Variants in COG7 observed in about 807,000 individuals in gnomAD.
The protein encoded by COG7 is conserved oligomeric Golgi complex subunit 7.
A neutral mutation model predicts 91.5 loss-of-function variants in COG7; 49 were observed. That is an observed-to-expected ratio of 0.54 (90% CI 0.43 to 0.68). The LOEUF (loss-of-function observed/expected upper bound fraction) is 0.68. Among genes scored for constraint, COG7 ranks in the 30% least tolerant of loss-of-function variants. The probability of loss-of-function intolerance (pLI) is 0.00; values close to 1 mark genes in which losing one functional copy is unlikely to be tolerated. For synonymous variants in COG7, 365 were observed against 388.7 expected (o/e 0.94, Z 0.72); for missense variants, 895 against 961.3 (o/e 0.93, Z 0.91).
chr16:23,389,109 G>A (rs769932461), intron 16 of COG7, 23 bp from the exon 17 acceptor site: 1 of 1,612,134 alleles, frequency 6.2e-7, no homozygotes, highest in South Asian at 1.1e-5. Context: ...AGAGGAGACA[G>A]ACAGAGCTCC....
intron 13 of COG7, 132 bp downstream of exon 13, chr16:23,403,562 C>T: frequency 8.6e-7 from 1 of 1,156,786 alleles, no homozygotes; most frequent in East Asian, 2.4e-5. Context: ...GAAAGTGGCT[C>T]TTTCCGGCTT....
rs567307217 is a variant in COG7, at chr16:23,409,088, T to TGTGTGTGTGTGTGTGCGCGC, written c.1475+1206_1475+1207insGCGCGCACACACACACACAC. 4.2e-3 allele frequency among the ~76,000 whole-genome samples: 628 copies of TGTGTGTGTGTGTGTGCGCGC among 147,888 alleles called. 3 individuals are homozygous for TGTGTGTGTGTGTGTGCGCGC. The highest frequency in any genetic ancestry group is 0.016 in the East Asian group (79 of 4,918). On this transcript the variant is annotated intron_variant, in intron 11 of 16. Coordinates refer to ENST00000307149, the MANE Select transcript of COG7 (RefSeq NM_153603.4). Reference sequence around the variant, plus strand: ...GCGTGTGTGTGTGTGTGTGTGTGTGTGCGTGCATGTGTGTGTGTGTGTGTG... The same window carrying TGTGTGTGTGTGTGTGCGCGC: ...GCGTGTGTGTGTGTGTGTGTGTGTGTGTGTGTGTGTGTGTGCGCGCGCGTGCATGTGTGTGTGTGTGTGTG...
chr16:23,423,053 A>AAAG (rs1963785794), intron 7 of COG7, among the ~76,000 whole-genome samples: 2 of 148,632 alleles, frequency 1.3e-5, no homozygotes, highest in Admixed American at 1.4e-4. Flanking sequence ...TCAAAAAAAA[A>AAAG]AAAAAAAAAA....
chr16:23,413,669 A>G, intron 9 of COG7, 105 bp from the exon 10 acceptor site: 1 of 774,394 alleles, frequency 1.3e-6, no homozygotes. Flanking sequence ...TGGCCTTGAG[A>G]GCATCTTTAG....
At chr16:23,433,745 C>A (rs1451636282) in intron 5 of COG7, 78 bp from the exon 6 acceptor site, 5 of 1,574,618 alleles carry the variant, frequency 3.2e-6, no homozygotes, top group Admixed American at 1.7e-5. Context: ...GCCCTGCTAC[C>A]CAGCGTAATC....
chr16:23,400,987 G>T lies in COG7; in HGVS notation c.1803+2707C>A, dbSNP rs563634861. Among the ~76,000 whole-genome samples, 120 of 150,290 alleles carry T rather than the reference G, an allele frequency of 8.0e-4. 1 individual carries two copies. The South Asian group carries it at 0.016, about 20-fold the overall frequency. On this transcript the variant is annotated intron_variant, in intron 13 of 16. Coordinates refer to ENST00000307149, the MANE Select transcript of COG7 (RefSeq NM_153603.4). ...TTTGTCTCAAAAAAAAAAGGGGGGG[G>T]GGAAAACAGCAGAGAATGTCACTTG...
At chr16:23,445,984 A>AAAC (rs764090829) in intron 1 of COG7, 23 bp from the exon 2 acceptor site, 6 of 1,597,112 alleles carry the variant, frequency 3.8e-6, no homozygotes, top group African/African-American at 1.4e-5. Context: ...AAAAAAAAAA[A>AAAC]AACAACAACA....
intron 11 of COG7, among the ~76,000 whole-genome samples, chr16:23,409,331 G>C (rs1963525909): frequency 6.6e-6 from 1 of 152,166 alleles, no homozygotes; most frequent in Non-Finnish European, 1.5e-5. Context: ...TTTACGGGCT[G>C]AGTAAAGCAA....
intron 13 of COG7, among the ~76,000 whole-genome samples, chr16:23,399,097 G>A (rs1457401400): frequency 6.6e-6 from 1 of 152,160 alleles, no homozygotes; most frequent in Non-Finnish European, 1.5e-5. Flanking sequence ...GCCACCTGAT[G>A]TTGGATCCGG....
intron 7 of COG7, among the ~76,000 whole-genome samples, chr16:23,424,140 A>G (rs1315423704): frequency 1.3e-5 from 2 of 152,122 alleles, no homozygotes; most frequent in Admixed American, 6.5e-5. Flanking sequence ...TCTACTAAAA[A>G]TACAAAATTA....
chr16:23,405,482 C>T (rs1287042975), intron 12 of COG7, among the ~76,000 whole-genome samples: 1 of 151,818 alleles, frequency 6.6e-6, no homozygotes, highest in Admixed American at 6.6e-5. Flanking sequence ...GCAAGTCCCC[C>T]TAGCCGCAGA....
intron 7 of COG7, 85 bp downstream of exon 7, chr16:23,424,664 G>T: frequency 7.0e-7 from 1 of 1,424,184 alleles, no homozygotes; most frequent in Non-Finnish European, 9.9e-7. Context: ...TCAGTCATCT[G>T]AAAAGGCAAA....
Position 23,434,821 on chromosome 16 carries a change from C to A in COG7, c.605-103G>T. 5 of 767,126 alleles carry A rather than the reference C, an allele frequency of 6.5e-6. No individual in the cohort carries two copies. The Admixed American group carries it at 7.8e-5, about 12-fold the overall frequency. The allele number at this position is 767,126 out of a possible 1,614,324, so 47.5% of individuals were successfully genotyped here. On this transcript the variant is annotated intron_variant, in intron 4 of 16. Coordinates refer to ENST00000307149, the MANE Select transcript of COG7 (RefSeq NM_153603.4). The stretch of plus-strand genomic sequence containing the variant: ...GTGGATATATGGAAGCTAGTATTCA[C>A]AAGTTCCTGCCTAGATACTGAATTA...
In COG7 at chr16:23,452,786, G is replaced by A. The variant is rs908959572; in HGVS notation, c.169+40C>T. 5 of 1,586,710 alleles carry A rather than the reference G, an allele frequency of 3.2e-6. No individual in the cohort carries two copies. The Admixed American group carries it at 5.4e-5, about 17-fold the overall frequency. On this transcript the variant is annotated intron_variant, in intron 1 of 16. Coordinates refer to ENST00000307149, the MANE Select transcript of COG7 (RefSeq NM_153603.4). ...TTCGGTGACCTCTGCCCAGCCGAGA[G>A]CAGGGGAGGGTCCCGCGGCCAGGGC...
intron 13 of COG7, among the ~76,000 whole-genome samples, chr16:23,400,637 A>C (rs1012348366): frequency 6.6e-6 from 1 of 152,194 alleles, no homozygotes; most frequent in South Asian, 2.1e-4. Flanking sequence ...GTTTGGAAGA[A>C]GCGCAAGACA....
chr16:23,435,249 C>T (rs1036160765), intron 4 of COG7, among the ~76,000 whole-genome samples: 1 of 152,078 alleles, frequency 6.6e-6, no homozygotes, highest in African/African-American at 2.4e-5. Context: ...CACCTGTAAT[C>T]CCAGCTCCTT....
At chr16:23,417,302 A>G (rs1963673018) in intron 8 of COG7, 181 bp from the exon 9 acceptor site, 1 of 658,066 alleles carries the variant, frequency 1.5e-6, no homozygotes, top group Non-Finnish European at 2.7e-6. Flanking sequence ...CTAAGTCATC[A>G]GTGGGATCAT....
Position 23,406,136 on chromosome 16 carries a change from G to A in COG7, c.1602C>T (p.Tyr534=). The A allele has an allele frequency of 1.9e-6, 3 of 1,614,096 alleles. No homozygotes were observed. Among genetic ancestry groups the A allele is most frequent in the Non-Finnish European group, 2.5e-6 (3 of 1,180,004 alleles). Residue 534 remains tyrosine, a synonymous_variant, in exon 12 of 17, where the codon TAC becomes TAT. Transcript: ENST00000307149. The stretch of plus-strand genomic sequence containing the variant: ...ATTCAGCAGGGTTATCTTTCTGGAG[G>A]TAATTATATTCTTGCCATGGGTTCT... ...SAKNPWQEYN[Y]LQKDNPAEYA...
At chr16:23,440,145 T>A (rs1964077862) in intron 4 of COG7, among the ~76,000 whole-genome samples, 1 of 151,572 alleles carries the variant, frequency 6.6e-6, no homozygotes, top group Non-Finnish European at 1.5e-5. Flanking sequence ...TACCTGCACT[T>A]TGGGAGGCCA....
Sources: gnomAD v4.1 joint callset for allele counts (sites outside exome capture counted in the v4.1 genomes callset) on GRCh38, gnomAD v4.1.1 for gene constraint, MANE v1.5 for transcripts, NCBI Gene and HGNC (gene_info 2026-07-23, HGNC 2026-07-21) for gene names.